Variants in EML1 observed in about 807,000 individuals in gnomAD.
EML1 encodes the protein EMAP like 1, also known as echinoderm microtubule-associated protein-like 1.
A neutral mutation model predicts 110.4 loss-of-function variants in EML1; 27 were observed. That is an observed-to-expected ratio of 0.24 (90% CI 0.18 to 0.34). The LOEUF is 0.34. Ranked by LOEUF, EML1 falls within the 10% of genes least tolerant of loss-of-function variation. The pLI, the probability that EML1 is intolerant of heterozygous loss-of-function variation, is 1.00. For missense variants in EML1, 741 were observed against 1,030.9 expected (o/e 0.72, Z 3.85); for synonymous variants, 344 against 385.8 (o/e 0.89, Z 1.27).
chr14:99,914,685 C>T lies in EML1; in HGVS notation c.1740C>T (p.Asp580=). The T allele has an allele frequency of 6.2e-7, 1 of 1,606,196 alleles. No individual in the cohort carries two copies. The highest frequency in any genetic ancestry group is 8.5e-7 in the Non-Finnish European group (1 of 1,178,240). ...WDAVGHRPVW[D]KIIEDPAQSS... is the part of the protein sequence containing the mutation. ...CTGTGGGTCACCGTCCCGTCTGGGA[C>T]AAAATAATAGAGGTAAACATGCACA... is the stretch of plus-strand genomic sequence containing the variant. The change falls in exon 15 of 22, where the codon GAC becomes GAT. Residue 580 remains aspartate (D), a synonymous_variant. Coordinates refer to ENST00000262233, the MANE Select transcript of EML1 (RefSeq NM_004434.3).
At chr14:99,927,505 A>G (rs534018625) in intron 17 of EML1, among the ~76,000 whole-genome samples, 1 of 152,108 alleles carries the variant, frequency 6.6e-6, no homozygotes, top group Non-Finnish European at 1.5e-5. Context: ...TTGTGACATT[A>G]GTAGCTGTTG....
chr14:99,834,944 C>G (rs1306913091), intron 1 of EML1, among the ~76,000 whole-genome samples: 18 of 152,102 alleles, frequency 1.2e-4, no homozygotes, highest in Admixed American at 1.1e-3. Context: ...CTCAGCCTCC[C>G]TAGTAGCTGG....
intron 1 of EML1, among the ~76,000 whole-genome samples, chr14:99,764,569 T>C (rs10873510): frequency 0.59 from 89,939 of 152,162 alleles, 28,341 homozygotes; most frequent in South Asian, 0.79. Context: ...ACATTCACAG[T>C]CTAGTGGAGC....
intron 3 of EML1, among the ~76,000 whole-genome samples, chr14:99,869,465 C>G (rs1176445976): frequency 2.6e-5 from 4 of 152,172 alleles, no homozygotes; most frequent in Non-Finnish European, 5.9e-5. Context: ...ATTGGCCTCC[C>G]TTTTCCCTGA....
At chr14:99,769,771 A>C (rs1310276844), upstream of EML1, among the ~76,000 whole-genome samples, 1 of 152,158 alleles carries the variant, frequency 6.6e-6, no homozygotes, top group African/African-American at 2.4e-5. Flanking sequence ...AATTCCTCCG[A>C]GGCTACATTC....
At chr14:99,768,130 T>TGATC (rs1470588184), upstream of EML1, among the ~76,000 whole-genome samples, 1 of 152,272 alleles carries the variant, frequency 6.6e-6, no homozygotes, top group East Asian at 1.9e-4. Flanking sequence ...CACGGAGAAG[T>TGATC]GATCCCACAC....
At chr14:99,773,485 C>G (rs577865624) in exon 1 of EML1, 51 of 152,244 alleles carry the variant, frequency 3.3e-4, no homozygotes, top group Non-Finnish European at 6.6e-4. Flanking sequence ...TGCCCAGGAC[C>G]ATGCCGCTGG....
chr14:99,796,721 A>G (rs2057782317), intron 1 of EML1, among the ~76,000 whole-genome samples: 1 of 151,674 alleles, frequency 6.6e-6, no homozygotes, highest in African/African-American at 2.4e-5. Context: ...AACAGTAGCT[A>G]TCCTTTATAA....
intron 4 of EML1, among the ~76,000 whole-genome samples, chr14:99,887,860 A>G (rs1376020846): frequency 6.6e-6 from 1 of 152,078 alleles, no homozygotes; most frequent in Non-Finnish European, 1.5e-5. Context: ...ATCACTGCAC[A>G]TCTGTGTGTT....
intron 1 of EML1, among the ~76,000 whole-genome samples, chr14:99,800,218 C>G (rs1243202563): frequency 1.3e-5 from 2 of 152,184 alleles, no homozygotes; most frequent in African/African-American, 2.4e-5. Flanking sequence ...GCTGCACATT[C>G]ATTTTAATCT....
At chr14:99,872,705 A>G (rs2059225755) in intron 3 of EML1, among the ~76,000 whole-genome samples, 1 of 152,220 alleles carries the variant, frequency 6.6e-6, no homozygotes, top group Admixed American at 6.5e-5. Context: ...TAAAGTTCCT[A>G]TAGATCTCTC....
Position 99,940,389 on chromosome 14 carries a change from A to G in EML1, c.*277A>G. On this transcript the variant is annotated 3_prime_UTR_variant, in exon 22 of 22. Coordinates refer to ENST00000262233, the MANE Select transcript of EML1 (RefSeq NM_004434.3). ...AGCCACATCAACAGAAGTAACTGGT[A>G]TATTCTTAGTAACTTTTCTATGAAC... 1 of 265,624 alleles carries G rather than the reference A, an allele frequency of 3.8e-6. No individual in the cohort carries two copies. Among genetic ancestry groups the G allele is most frequent in the African/African-American group, 2.2e-5 (1 of 45,520 alleles). The allele number at this position is 265,624 out of a possible 1,614,324, so 16.5% of individuals were successfully genotyped here. A position where few individuals can be genotyped will look rare whatever the true frequency, so the allele number is the denominator to read the frequency against.
intron 6 of EML1, among the ~76,000 whole-genome samples, chr14:99,895,434 A>G (rs1470110131): frequency 6.6e-6 from 1 of 152,224 alleles, no homozygotes; most frequent in Non-Finnish European, 1.5e-5. Flanking sequence ...CAGATGGAAA[A>G]CTAGGCACTC....
upstream of EML1, among the ~76,000 whole-genome samples, chr14:99,769,951 C>T (rs1380424640): frequency 2.6e-5 from 4 of 152,208 alleles, no homozygotes; most frequent in African/African-American, 7.2e-5. Flanking sequence ...CTTCTGTCCC[C>T]TGCAAGTTCC....
rs112232539 is a variant in EML1, at chr14:99,739,091, T to TGTGTGTGTGTGTGTGA, written c.28+1232_28+1233insTGTGTGTGTGTGTGAG. Among the ~76,000 whole-genome samples the TGTGTGTGTGTGTGTGA allele has an allele frequency of 1.8e-4, 24 of 136,498 alleles. 1 individual carries two copies. The highest frequency in any genetic ancestry group is 1.8e-3 in the South Asian group (7 of 3,990). The allele number at this position is 136,498 out of a possible 152,430, so 89.5% of individuals were successfully genotyped here. ...GTGTGTGTGTGTGTGTGTGTGTGTGTGAGAGAGAGAGACAGAGAGAGAGAG... is the reference window on the plus strand; with the variant it reads ...GTGTGTGTGTGTGTGTGTGTGTGTGTGTGTGTGTGTGTGTGAGAGAGAGAGAGACAGAGAGAGAGAG... On this transcript the variant is annotated intron_variant, in intron 1 of 10. Coordinates refer to the EML1 transcript ENST00000554479.
upstream of EML1, among the ~76,000 whole-genome samples, chr14:99,770,974 T>C (rs1050392045): frequency 2.6e-5 from 4 of 151,830 alleles, no homozygotes; most frequent in African/African-American, 7.3e-5. Context: ...TTAGTAGAGA[T>C]GGGGTTTCAC....
chr14:99,832,590 T>G (rs2058477189), intron 1 of EML1, among the ~76,000 whole-genome samples: 1 of 152,192 alleles, frequency 6.6e-6, no homozygotes, highest in Non-Finnish European at 1.5e-5. Flanking sequence ...CTCATTTCGG[T>G]TTTAATTTGC....
intron 17 of EML1, among the ~76,000 whole-genome samples, chr14:99,932,841 G>A (rs572708258): frequency 6.6e-6 from 1 of 151,894 alleles, no homozygotes; most frequent in Admixed American, 6.6e-5. Flanking sequence ...CATTATGGCC[G>A]GGCACAGTGG....
chr14:99,885,894 G>A (rs1467543210), intron 4 of EML1: 1 of 455,878 alleles, frequency 2.2e-6, no homozygotes, highest in Non-Finnish European at 4.4e-6. Context: ...TAAGCTGGTG[G>A]AGGTGAAGCC....
Sources: allele counts gnomAD v4.1 joint callset (sites outside exome capture counted in the v4.1 genomes callset), GRCh38; gene constraint gnomAD v4.1.1; transcripts MANE v1.5; gene names NCBI Gene and HGNC (gene_info 2026-07-23, HGNC 2026-07-21).